The following CNTN5 variants were observed in gnomAD, a reference collection of about 807,000 sequenced individuals.
The protein encoded by CNTN5 is contactin 5.
A neutral mutation model predicts 129.1 loss-of-function variants in CNTN5; 77 were observed. That is an observed-to-expected ratio of 0.60 (90% CI 0.50 to 0.72). The LOEUF (loss-of-function observed/expected upper bound fraction) is 0.72. Among genes scored for constraint, CNTN5 ranks in the 30% least tolerant of loss-of-function variants. CNTN5 has a pLI of 0.00. For missense variants in CNTN5, 1,478 were observed against 1,328.8 expected (o/e 1.11, Z -1.75); for synonymous variants, 509 against 465.6 (o/e 1.09, Z -1.20).
intron 1 of CNTN5, among the ~76,000 whole-genome samples, 152 bp from the exon 2 acceptor site, chr11:99,325,194 A>G (rs527372287): frequency 4.6e-5 from 7 of 152,170 alleles, no homozygotes; most frequent in Admixed American, 6.5e-5. Context: ...TAGAAGCTGT[A>G]TGTGTTTATA....
rs1288208386 is a variant in CNTN5, at chr11:99,497,144, C to A, written c.-70-59001C>A. The stretch of plus-strand genomic sequence containing the variant: ...TGAAAGCATTCTAAAAAAGAAGTAA[C>A]TTATACCAATAATTAGAGACCCAAA... On this transcript the variant is annotated intron_variant, in intron 2 of 24. Transcript: ENST00000524871. 2.0e-5 allele frequency among the ~76,000 whole-genome samples: 3 copies of A among 152,148 alleles called. No individual in the cohort carries two copies. In the South Asian group the frequency reaches 6.2e-4, roughly 31 times the overall value.
chr11:100,339,308 T>C (rs963604386), intron 21 of CNTN5, among the ~76,000 whole-genome samples: 2 of 151,718 alleles, frequency 1.3e-5, no homozygotes, highest in Admixed American at 6.6e-5. Context: ...AACTGAATGA[T>C]GGGGAAGGTG....
At chr11:99,342,074 GT>G (rs1371840834) in intron 2 of CNTN5, among the ~76,000 whole-genome samples, 1 of 152,072 alleles carries the variant, frequency 6.6e-6, no homozygotes, top group Non-Finnish European at 1.5e-5. Context: ...ATAAATCAGT[GT>G]TTATTTGTCA....
intron 3 of CNTN5, among the ~76,000 whole-genome samples, chr11:99,713,771 G>C (rs1955101866): frequency 6.6e-6 from 1 of 151,882 alleles, no homozygotes; most frequent in South Asian, 2.1e-4. Flanking sequence ...TTTTATTGTA[G>C]AAAGTAAATT....
chr11:99,946,612 C>G (rs1036235885), intron 7 of CNTN5, among the ~76,000 whole-genome samples: 1 of 152,046 alleles, frequency 6.6e-6, no homozygotes, highest in African/African-American at 2.4e-5. Context: ...GGAAAAATAA[C>G]TTAGGGAGAA....
At chr11:100,242,192 C>T (rs1949755337) in intron 16 of CNTN5, among the ~76,000 whole-genome samples, 1 of 152,160 alleles carries the variant, frequency 6.6e-6, no homozygotes, top group South Asian at 2.1e-4. Flanking sequence ...TTAACACTTA[C>T]AAATTTTGCC....
At chr11:99,492,880 G>A (rs1393635676) in intron 2 of CNTN5, among the ~76,000 whole-genome samples, 1 of 152,154 alleles carries the variant, frequency 6.6e-6, no homozygotes, top group Non-Finnish European at 1.5e-5. Flanking sequence ...CGTGAGGACC[G>A]TTTGTTCAGA....
chr11:100,035,070 A>G (rs1052486615), intron 9 of CNTN5, among the ~76,000 whole-genome samples: 1 of 152,070 alleles, frequency 6.6e-6, no homozygotes, highest in Non-Finnish European at 1.5e-5. Flanking sequence ...TGCTGCACCC[A>G]TTAACTCGTC....
At chr11:100,057,352 G>A (rs1251685491) in intron 9 of CNTN5, among the ~76,000 whole-genome samples, 1 of 150,790 alleles carries the variant, frequency 6.6e-6, no homozygotes, top group Non-Finnish European at 1.5e-5. Flanking sequence ...GCTTATTTTA[G>A]AGACCAATAA....
At chr11:99,640,845 G>A (rs1013075321) in intron 3 of CNTN5, among the ~76,000 whole-genome samples, 2 of 152,140 alleles carry the variant, frequency 1.3e-5, no homozygotes, top group Non-Finnish European at 2.9e-5. Context: ...GTTAAGCAAT[G>A]CATGAATGTA....
At chr11:99,271,428 A>G (rs1368713564) in intron 1 of CNTN5, among the ~76,000 whole-genome samples, 1 of 151,888 alleles carries the variant, frequency 6.6e-6, no homozygotes, top group Non-Finnish European at 1.5e-5. Context: ...CTTTGACAAA[A>G]TTTATTCATT....
intron 13 of CNTN5, among the ~76,000 whole-genome samples, chr11:100,122,525 C>G (rs1946059255): frequency 6.6e-6 from 1 of 151,912 alleles, no homozygotes. Context: ...AAGATGACAC[C>G]TAAAATTAAC....
intron 13 of CNTN5, among the ~76,000 whole-genome samples, chr11:100,175,414 A>G (rs767429983): frequency 1.1e-4 from 16 of 152,146 alleles, no homozygotes; most frequent in Non-Finnish European, 1.3e-4. Flanking sequence ...GTAAATTATT[A>G]CCATTGCCTT....
At chr11:100,259,883 G>A (rs533954180) in intron 17 of CNTN5, among the ~76,000 whole-genome samples, 22 of 151,234 alleles carry the variant, frequency 1.5e-4, no homozygotes, top group Non-Finnish European at 2.8e-4. Context: ...ACAATTAAAA[G>A]AACTAGAGAA....
chr11:99,430,462 A>G (rs1943316975), intron 2 of CNTN5, among the ~76,000 whole-genome samples: 2 of 149,526 alleles, frequency 1.3e-5, no homozygotes, highest in African/African-American at 4.9e-5. Context: ...AGGCCTTTAT[A>G]TATATATAAG....
intron 3 of CNTN5, among the ~76,000 whole-genome samples, chr11:99,738,191 C>T (rs1331026628): frequency 6.6e-6 from 1 of 151,994 alleles, no homozygotes; most frequent in African/African-American, 2.4e-5. Flanking sequence ...GAGATAGAGC[C>T]TTTAAAGTGA....
At chr11:99,682,748 GA>G (rs1953613388) in intron 3 of CNTN5, among the ~76,000 whole-genome samples, 8 of 151,750 alleles carry the variant, frequency 5.3e-5, no homozygotes, top group Admixed American at 5.2e-4. Flanking sequence ...TAAATGAATG[GA>G]AAAAACACAT....
chr11:100,228,596 C>T (rs1472855741), intron 16 of CNTN5, among the ~76,000 whole-genome samples: 1 of 152,236 alleles, frequency 6.6e-6, no homozygotes, highest in Non-Finnish European at 1.5e-5. Context: ...AAATTTTGGC[C>T]GTTTTGTCAA....
intron 2 of CNTN5, among the ~76,000 whole-genome samples, chr11:99,529,843 A>C (rs2515375): frequency 2.0e-5 from 3 of 151,898 alleles, no homozygotes; most frequent in Non-Finnish European, 4.4e-5. Flanking sequence ...GAGTATGGAA[A>C]AGAAAAAATA....
Sources: allele counts gnomAD v4.1 joint callset (sites outside exome capture counted in the v4.1 genomes callset), GRCh38; gene constraint gnomAD v4.1.1; transcripts MANE v1.5; gene names NCBI Gene and HGNC (gene_info 2026-07-23, HGNC 2026-07-21).